Variants in RABL3 observed in about 807,000 individuals in gnomAD.
The protein encoded by RABL3 is RAB, member of RAS oncogene family like 3.
In RABL3, 31 loss-of-function variants were observed where a neutral mutation model predicts 31.8. The observed-to-expected ratio is 0.97, with a 90% CI of 0.73 to 1.31. RABL3 has a LOEUF of 1.31. Ranked by LOEUF, RABL3 falls within the 40% of genes most tolerant of loss-of-function variation. The pLI is 0.00. For missense variants in RABL3, 263 were observed against 279.6 expected, an observed-to-expected ratio of 0.94 and a Z score of 0.42; for synonymous variants, 97 against 99.9, an observed-to-expected ratio of 0.97 and a Z score of 0.18.
chr3:120,689,814 G>A lies in RABL3; in HGVS notation c.*9C>T, dbSNP rs1303987675. Reference sequence around the variant, plus strand: ...CTGCTTGCTCACTCTTCCAAAGGATGAGTGTAATTCAGTCATAATGAAGGC... The same window carrying A: ...CTGCTTGCTCACTCTTCCAAAGGATAAGTGTAATTCAGTCATAATGAAGGC... On this transcript the variant is annotated 3_prime_UTR_variant, in exon 8 of 8. Coordinates refer to ENST00000273375, the MANE Select transcript of RABL3 (RefSeq NM_173825.5). 1 of 1,597,968 alleles carries A rather than the reference G, an allele frequency of 6.3e-7. No individual in the cohort carries two copies. Among genetic ancestry groups the A allele is most frequent in the African/African-American group, 1.3e-5 (1 of 74,732 alleles).
intron 2 of RABL3, among the ~76,000 whole-genome samples, chr3:120,725,213 C>A (rs571629771): frequency 6.6e-6 from 1 of 152,154 alleles, no homozygotes. Flanking sequence ...CCATCACTGG[C>A]CATCAGAGAA....
chr3:120,717,022 G>A (rs1261176570), intron 2 of RABL3, among the ~76,000 whole-genome samples: 1 of 152,162 alleles, frequency 6.6e-6, no homozygotes, highest in South Asian at 2.1e-4. Context: ...GGAGGCCTAG[G>A]TGGGTGGATC....
intron 2 of RABL3, among the ~76,000 whole-genome samples, chr3:120,725,546 C>G (rs1427377271): frequency 6.6e-6 from 1 of 152,170 alleles, no homozygotes; most frequent in African/African-American, 2.4e-5. Flanking sequence ...TGGAACCAAC[C>G]CAAATGTCCA....
chr3:120,702,152 A>G (rs550831131), intron 4 of RABL3, among the ~76,000 whole-genome samples: 20 of 152,306 alleles, frequency 1.3e-4, no homozygotes, highest in Non-Finnish European at 2.5e-4. Context: ...CCAGCTTCTG[A>G]GCAATTTCAT....
intron 2 of RABL3, among the ~76,000 whole-genome samples, chr3:120,717,301 A>G (rs997937642): frequency 2.0e-5 from 3 of 151,730 alleles, no homozygotes; most frequent in Non-Finnish European, 4.4e-5. Context: ...AAAACAAGAC[A>G]GAAGTCAACT....
At position 120,694,214 on chromosome 3, in the gene RABL3, T is replaced by C. The variant is rs903334654; in HGVS notation, c.545A>G (p.Asn182Ser). 1.2e-6 allele frequency: 2 copies of C among 1,610,030 alleles called. No individual in the cohort carries two copies. The highest frequency in any genetic ancestry group is 3.3e-5 in the Admixed American group (2 of 59,930). Residue 182 changes from asparagine (N) to serine (S), a missense_variant, in exon 6 of 8, where the codon AAT (asparagine) becomes AGT (serine). Coordinates refer to ENST00000273375, the MANE Select transcript of RABL3 (RefSeq NM_173825.5). ...NPEEINLDCT[N>S]PRYLAAGSSN... ...AGAACCTGCAGCTAAGTACCGTGGATTTGTGCAGTCCTAGAAGATAAAACA... is the reference window on the plus strand; with the variant it reads ...AGAACCTGCAGCTAAGTACCGTGGACTTGTGCAGTCCTAGAAGATAAAACA...
Position 120,736,243 on chromosome 3 carries a change from A to T in RABL3, c.47-5456T>A, listed in dbSNP as rs556648176. Among the ~76,000 whole-genome samples the T allele has an allele frequency of 2.0e-5, 3 of 152,266 alleles. No individual in the cohort carries two copies. The East Asian group carries it at 5.8e-4, about 29-fold the overall frequency. ...CTGGGTGCTCCTGTATTGGGTGCAT[A>T]TATGTTTAGGATAGTTAGCTGTTCT... is the stretch of plus-strand genomic sequence containing the variant. On this transcript the variant is annotated intron_variant, in intron 1 of 7. Transcript: ENST00000273375.
chr3:120,739,912 A>G (rs921174013), intron 1 of RABL3, among the ~76,000 whole-genome samples: 1 of 152,222 alleles, frequency 6.6e-6, no homozygotes, highest in Non-Finnish European at 1.5e-5. Context: ...GCTTTGGGTG[A>G]TAAGTATTAG....
At chr3:120,706,140 T>C (rs1708546442) in intron 3 of RABL3, 26 bp from the exon 4 acceptor site, 2 of 1,400,572 alleles carry the variant, frequency 1.4e-6, no homozygotes, top group East Asian at 2.3e-5. Context: ...AAAACAATGT[T>C]AATCCCTTAA....
intron 5 of RABL3, among the ~76,000 whole-genome samples, chr3:120,696,113 A>G (rs1001573079): frequency 2.2e-4 from 33 of 152,258 alleles, no homozygotes; most frequent in African/African-American, 9.6e-5. Context: ...TTTACAGGGT[A>G]CAATAAGCCT....
At chr3:120,738,939 C>T (rs960186822) in intron 1 of RABL3, among the ~76,000 whole-genome samples, 1 of 152,128 alleles carries the variant, frequency 6.6e-6, no homozygotes, top group Non-Finnish European at 1.5e-5. Flanking sequence ...TAAAAGGAAA[C>T]ATTTAAAGTT....
chr3:120,737,630 T>C (rs1163096014), intron 1 of RABL3, among the ~76,000 whole-genome samples: 3 of 152,248 alleles, frequency 2.0e-5, no homozygotes, highest in Admixed American at 2.0e-4. Context: ...TTTTCTGCTC[T>C]GTTTTTTCCC....
rs1407548864 is a variant in RABL3 at position 120,706,067 on chromosome 3, A to C, written c.316T>G (p.Leu106Val). The C allele has an allele frequency of 4.3e-6, 7 of 1,613,796 alleles. No homozygotes were observed. In the African/African-American group the frequency reaches 8.0e-5, roughly 18 times the overall value. The part of the protein sequence containing the change: ...DLTNKKSSQN[L>V]RRWSLEALNR... ...AGAGCTTCCAATGACCAACGACGCA[A>C]GTTTTGGGAGGACTTCTTATTTGTT... The change falls in exon 4 of 8, where the codon TTG becomes GTG. Residue 106 changes from leucine to valine, a missense_variant. Leu to Val is a conservative substitution (Grantham distance 32, BLOSUM62 1). Coordinates refer to ENST00000273375, the MANE Select transcript of RABL3 (RefSeq NM_173825.5).
At chr3:120,731,549 G>C (rs1053904139) in intron 1 of RABL3, among the ~76,000 whole-genome samples, 2 of 152,128 alleles carry the variant, frequency 1.3e-5, no homozygotes, top group Admixed American at 1.3e-4. Context: ...GTATGAAGAG[G>C]AAAGGGAATG....
At chr3:120,724,728 G>A (rs1296275492) in intron 2 of RABL3, among the ~76,000 whole-genome samples, 3 of 152,140 alleles carry the variant, frequency 2.0e-5, no homozygotes, top group Admixed American at 6.5e-5. Context: ...AAATGGTGCT[G>A]GGAAAACTGG....
intron 5 of RABL3, 84 bp downstream of exon 5, chr3:120,698,339 T>C (rs1399120134): frequency 7.8e-7 from 1 of 1,287,460 alleles, no homozygotes; most frequent in East Asian, 2.3e-5. Flanking sequence ...AAAGCTTCTT[T>C]CACTAGAATA....
At chr3:120,727,563 C>G (rs112305858) in intron 2 of RABL3, among the ~76,000 whole-genome samples, 3 of 151,686 alleles carry the variant, frequency 2.0e-5, no homozygotes, top group South Asian at 4.2e-4. Context: ...TTTCAGAGAA[C>G]AGATACAGAA....
intron 4 of RABL3, among the ~76,000 whole-genome samples, chr3:120,701,399 G>T (rs1319665674): frequency 6.6e-6 from 1 of 152,130 alleles, no homozygotes; most frequent in Non-Finnish European, 1.5e-5. Context: ...ACATTTGCAG[G>T]TTTATCTATA....
intron 5 of RABL3, among the ~76,000 whole-genome samples, chr3:120,696,275 G>GTTAAGGAAATATA: frequency 6.6e-6 from 1 of 152,246 alleles, no homozygotes; most frequent in Non-Finnish European, 1.5e-5. Context: ...AATTTATACA[G>GTTAAGGAAATATA]TAACTGATGT....
Sources: gnomAD v4.1 joint callset for allele counts (sites outside exome capture counted in the v4.1 genomes callset) on GRCh38, gnomAD v4.1.1 for gene constraint, MANE v1.5 for transcripts, NCBI Gene and HGNC (gene_info 2026-07-23, HGNC 2026-07-21) for gene names.